Variants in COPS3 observed in about 807,000 individuals in gnomAD.
COPS3 encodes the protein COP9 signalosome subunit 3, also known as COP9 signalosome complex subunit 3.
A neutral mutation model predicts 58.2 loss-of-function variants in COPS3; 10 were observed. The ratio of observed to expected loss-of-function variants is 0.17; its 90% CI spans 0.11 to 0.29. The LOEUF is 0.29. Ranked by LOEUF, COPS3 falls within the 10% of genes least tolerant of loss-of-function variation. COPS3 has a pLI of 1.00. For missense variants in COPS3, 333 were observed against 510.1 expected, an observed-to-expected ratio of 0.65 and a Z score of 3.34; for synonymous variants, 187 against 181.7, an observed-to-expected ratio of 1.03 and a Z score of -0.24.
chr17:17,275,950 T>C, intron 2 of COPS3, 85 bp downstream of exon 2: 2 of 1,300,442 alleles, frequency 1.5e-6, no homozygotes, highest in South Asian at 1.6e-5. Flanking sequence ...TCAAAAAATA[T>C]AAATAAATAA....
Position 17,280,782 on chromosome 17 carries a change from G to A in COPS3, c.55+350C>T, listed in dbSNP as rs1761816756. Reference sequence around the variant, plus strand: ...CATGGCGGTGCGCCAATCACCGAAGGCAAGAGAGACAGAAGGAACCAATAG... The same window carrying A: ...CATGGCGGTGCGCCAATCACCGAAGACAAGAGAGACAGAAGGAACCAATAG... On this transcript the variant is annotated intron_variant, in intron 1 of 11. Transcript: ENST00000268717. The A allele has an allele frequency of 7.9e-6, 10 of 1,259,344 alleles. No individual in the cohort carries two copies. The South Asian group carries it at 1.4e-4, about 18-fold the overall frequency. The allele number at this position is 1,259,344 out of a possible 1,614,324, so 78.0% of individuals were successfully genotyped here. A position where few individuals can be genotyped will look rare whatever the true frequency, so the allele number is the denominator to read the frequency against.
chr17:17,266,709 G>A (rs928007226), intron 5 of COPS3, among the ~76,000 whole-genome samples: 1 of 151,844 alleles, frequency 6.6e-6, no homozygotes, highest in Non-Finnish European at 1.5e-5. Flanking sequence ...TGAGGAAGGA[G>A]AATTGCTTGA....
At chr17:17,278,467 T>C (rs2048507207) in intron 1 of COPS3, among the ~76,000 whole-genome samples, 1 of 152,210 alleles carries the variant, frequency 6.6e-6, no homozygotes, top group South Asian at 2.1e-4. Context: ...GTATCATTAT[T>C]ATACATGCAT....
chr17:17,247,664 T>G, intron 10 of COPS3, 104 bp from the exon 11 acceptor site: 1 of 1,136,202 alleles, frequency 8.8e-7, no homozygotes, highest in Non-Finnish European at 1.3e-6. Flanking sequence ...CACAATCTCT[T>G]GATGTGAAAC....
chr17:17,247,291 C>A, intron 11 of COPS3, 140 bp from the exon 12 acceptor site: 1 of 950,386 alleles, frequency 1.1e-6, no homozygotes, highest in South Asian at 1.4e-5. Flanking sequence ...CAGGAACCAC[C>A]CTAAGCATCC....
At chr17:17,278,107 C>T (rs1358788455) in intron 1 of COPS3, among the ~76,000 whole-genome samples, 6 of 151,992 alleles carry the variant, frequency 3.9e-5, no homozygotes, top group African/African-American at 4.8e-5. Context: ...GCTGAGATTG[C>T]GCCACTGTAC....
chr17:17,254,832 A>AAAAT, intron 9 of COPS3, 27 bp downstream of exon 9: 1 of 1,304,284 alleles, frequency 7.7e-7, no homozygotes, highest in Non-Finnish European at 1.1e-6. Flanking sequence ...AAAAAAAAAA[A>AAAAT]GAAAAAGAAA....
chr17:17,279,239 A>G lies in COPS3; in HGVS notation c.55+1893T>C, dbSNP rs151070856. 7.0e-3 allele frequency among the ~76,000 whole-genome samples: 1,063 copies of G among 152,274 alleles called. 47 individuals carry two copies. The highest frequency in any genetic ancestry group is 0.058 in the Admixed American group (884 of 15,272). ...GTAGCCGACAGCAATGAAAGTTACC[A>G]TATTTATCTCTGTCTAGCAGACTGT... On this transcript the variant is annotated intron_variant, in intron 1 of 11. Coordinates refer to ENST00000268717, the MANE Select transcript of COPS3 (RefSeq NM_003653.4).
At chr17:17,280,548 A>G in intron 1 of COPS3, 1 of 1,251,658 alleles carries the variant, frequency 8.0e-7, no homozygotes, top group Non-Finnish European at 1.0e-6. Context: ...CTAAAAAAAA[A>G]CAAAGAAGAA....
intron 9 of COPS3, among the ~76,000 whole-genome samples, chr17:17,249,830 G>T (rs1227854203): frequency 6.6e-6 from 1 of 152,168 alleles, no homozygotes; most frequent in Non-Finnish European, 1.5e-5. Context: ...GTTTCACCAT[G>T]TTGGCCAGGC....
At chr17:17,247,586 G>T (rs1449164973) in intron 10 of COPS3, 26 bp from the exon 11 acceptor site, 4 of 1,612,214 alleles carry the variant, frequency 2.5e-6, no homozygotes, top group African/African-American at 1.3e-5. Flanking sequence ...ATTAGAAGGT[G>T]GTCAGCGGCG....
intron 2 of COPS3, among the ~76,000 whole-genome samples, chr17:17,273,635 G>A (rs1368574313): frequency 6.6e-6 from 1 of 152,118 alleles, no homozygotes; most frequent in African/African-American, 2.4e-5. Flanking sequence ...CAGATTGCTT[G>A]AGCTCAGGAG....
At chr17:17,259,034 G>A (rs1000886258) in intron 8 of COPS3, among the ~76,000 whole-genome samples, 3 of 151,824 alleles carry the variant, frequency 2.0e-5, no homozygotes, top group African/African-American at 7.3e-5. Context: ...CGGCCACCCC[G>A]ACCCACCTCT....
At chr17:17,274,666 A>T (rs1597701949) in intron 2 of COPS3, among the ~76,000 whole-genome samples, 1 of 149,722 alleles carries the variant, frequency 6.7e-6, no homozygotes, top group Non-Finnish European at 1.5e-5. Flanking sequence ...CTTGTGATCC[A>T]CCCGCCTTGG....
intron 2 of COPS3, among the ~76,000 whole-genome samples, chr17:17,274,683 A>C (rs1674968258): frequency 1.3e-5 from 2 of 151,774 alleles, no homozygotes; most frequent in Admixed American, 1.3e-4. Context: ...TTGGCCTCCC[A>C]AAGTGCCGGG....
intron 9 of COPS3, 112 bp downstream of exon 9, chr17:17,254,747 T>C (rs2047924358): frequency 1.7e-6 from 1 of 575,510 alleles, no homozygotes; most frequent in Non-Finnish European, 2.9e-6. Context: ...GAGGTGGAGG[T>C]TGCAGTGAGC....
intron 1 of COPS3, among the ~76,000 whole-genome samples, chr17:17,279,227 A>G (rs929337361): frequency 7.2e-5 from 11 of 152,172 alleles, no homozygotes; most frequent in Non-Finnish European, 1.5e-4. Flanking sequence ...GCCGACAGCA[A>G]TGAAAGTTAC....
intron 6 of COPS3, among the ~76,000 whole-genome samples, chr17:17,262,700 A>G (rs1005398229): frequency 6.6e-6 from 1 of 150,730 alleles, no homozygotes; most frequent in Non-Finnish European, 1.5e-5. Flanking sequence ...ACTGCACTCC[A>G]GCCTGGGCGA....
At chr17:17,281,016 C>T (rs1192066634) in intron 1 of COPS3, 116 bp downstream of exon 1, 1 of 1,222,728 alleles carries the variant, frequency 8.2e-7, no homozygotes, top group Non-Finnish European at 1.1e-6. Flanking sequence ...CAAGCCCGGC[C>T]CCGGAGAAGA....
Sources: allele counts gnomAD v4.1 joint callset (sites outside exome capture counted in the v4.1 genomes callset), GRCh38; gene constraint gnomAD v4.1.1; transcripts MANE v1.5; gene names NCBI Gene and HGNC (gene_info 2026-07-23, HGNC 2026-07-21).